Variants in PIEZO2 observed in about 807,000 individuals in gnomAD.
The protein encoded by PIEZO2 is piezo-type mechanosensitive ion channel component 2.
PIEZO2 carries 172 observed loss-of-function variants against 337.3 expected under a neutral mutation model. That is an observed-to-expected ratio of 0.51 (90% CI 0.45 to 0.58). PIEZO2 has a LOEUF of 0.58. PIEZO2 is among the 20% of genes least tolerant of loss of function. The probability of loss-of-function intolerance (pLI) is 0.00; values close to 1 mark genes in which losing one functional copy is unlikely to be tolerated. For synonymous variants in PIEZO2, 1,251 were observed against 1,228.5 expected (o/e 1.02, Z -0.38); for missense variants, 3,028 against 3,391.3 (o/e 0.89, Z 2.66).
chr18:10,970,486 A>C (rs965509340), intron 3 of PIEZO2, among the ~76,000 whole-genome samples: 2 of 152,148 alleles, frequency 1.3e-5, no homozygotes, highest in African/African-American at 4.8e-5. Context: ...TTCACAACTT[A>C]ACTCTTCTGT....
chr18:10,773,561 G>A lies in PIEZO2; in HGVS notation c.2636C>T (p.Pro879Leu), dbSNP rs748442453. 10 of 1,537,218 alleles carry A rather than the reference G, an allele frequency of 6.5e-6. No homozygotes were observed. The highest frequency in any genetic ancestry group is 1.4e-5 in the African/African-American group (1 of 72,998). The change falls in exon 20 of 56, where the codon CCG becomes CTG. Residue 879 changes from proline to leucine, a missense_variant. Around this residue, in one of 5 missense-constraint regions of PIEZO2, gnomAD observed 1,925 missense variants for 2,051.9 expected, o/e 0.94. Coordinates refer to ENST00000674853, the MANE Select transcript of PIEZO2 (RefSeq NM_001378183.1). The surrounding 1 kb of genome is among the most constrained non-coding windows in gnomAD (Gnocchi z 5.3). ...AGGCTCAGCCAACTTCCTCACCTCC[G>A]GCTTCTCCAGGCTGGCAGTCAGATG... ...MMHLTASLEK[P>L]EVRKLAEPGE...
rs1308572513 is a variant in PIEZO2, at chr18:10,815,327, C to T, written c.918-8053G>A. 3.3e-5 allele frequency among the ~76,000 whole-genome samples: 5 copies of T among 152,246 alleles called. No homozygotes were observed. Among genetic ancestry groups the T allele is most frequent in the South Asian group, 4.2e-4 (2 of 4,818 alleles). ...AAGAATGGTGATCCAGACATGGATT[C>T]GAGCCCTGCCTGAATGATTACCTAC... On this transcript the variant is annotated intron_variant, in intron 7 of 55. Transcript: ENST00000674853. This position sits in a 1 kb window ranked among gnomAD's most constrained non-coding sequence, Gnocchi z 4.1.
Position 11,038,413 on chromosome 18 carries a change from C to G in PIEZO2, c.160+27714G>C, listed in dbSNP as rs1483126633. On this transcript the variant is annotated intron_variant, in intron 2 of 55. Coordinates refer to ENST00000674853, the MANE Select transcript of PIEZO2 (RefSeq NM_001378183.1). This position sits in a 1 kb window ranked among gnomAD's most constrained non-coding sequence, Gnocchi z 4.1. ...AATTAAAAGGTAACCATTCCCATGC[C>G]AAGTGTAAGCCGGAGGCCCTTATTT... Among the ~76,000 whole-genome samples the G allele has an allele frequency of 6.6e-6, 1 of 152,264 alleles. No homozygotes were observed. The highest frequency in any genetic ancestry group is 1.9e-4 in the East Asian group (1 of 5,186).
chr18:10,941,602 G>A (rs1000186058), intron 3 of PIEZO2, among the ~76,000 whole-genome samples: 2 of 152,146 alleles, frequency 1.3e-5, no homozygotes, highest in Non-Finnish European at 2.9e-5. Flanking sequence ...AAGCCTCTAA[G>A]TATTTCTCTA....
intron 1 of PIEZO2, among the ~76,000 whole-genome samples, chr18:11,071,361 T>C (rs1382521878): frequency 1.3e-5 from 2 of 152,222 alleles, no homozygotes; most frequent in Admixed American, 6.5e-5. Context: ...TAGAACATTG[T>C]AGAGACATTT....
At position 10,705,738 on chromosome 18, in the gene PIEZO2, G is replaced by A. The variant is rs1250272856; in HGVS notation, c.5597C>T (p.Thr1866Met). The change falls in exon 41 of 56, where the codon ACG (threonine) becomes ATG (methionine). Residue 1866 changes from threonine to methionine, a missense_variant. This residue lies in a region of PIEZO2 where 1,925 missense variants were observed against 2,051.9 expected (regional missense o/e 0.94). Coordinates refer to ENST00000674853, the MANE Select transcript of PIEZO2 (RefSeq NM_001378183.1). ...DSGSLASSEP[T>M]QCTMLYSRQG... is the part of the protein sequence containing the mutation. Reference sequence around the variant, plus strand: ...GCGTGAGTACAGCATGGTACACTGCGTGGGCTCGCTGTTGGGAGAAAGCGT... The same window carrying A: ...GCGTGAGTACAGCATGGTACACTGCATGGGCTCGCTGTTGGGAGAAAGCGT... 6 of 1,524,952 alleles carry A rather than the reference G, an allele frequency of 3.9e-6. No individual in the cohort carries two copies. Among genetic ancestry groups the A allele is most frequent in the South Asian group, 1.2e-5 (1 of 83,276 alleles). 94.5% of individuals were successfully genotyped at this position (1,524,952 alleles called of 1,614,324 possible).
At chr18:10,736,821 A>G (rs920993793) in intron 33 of PIEZO2, 111 bp from the exon 34 acceptor site, 103 of 1,202,528 alleles carry the variant, frequency 8.6e-5, no homozygotes, top group Non-Finnish European at 1.1e-4. Context: ...GAGAACCACA[A>G]CGAAAGATGT....
chr18:10,949,532 AGT>A (rs1234932839), intron 3 of PIEZO2, among the ~76,000 whole-genome samples: 5 of 152,248 alleles, frequency 3.3e-5, no homozygotes, highest in Admixed American at 2.0e-4. Flanking sequence ...TCAGGGTAAA[AGT>A]CAGCCATTCT....
chr18:10,918,789 C>G (rs1339694223), intron 3 of PIEZO2, among the ~76,000 whole-genome samples: 1 of 151,874 alleles, frequency 6.6e-6, no homozygotes, highest in East Asian at 1.9e-4. Context: ...TAAATATAGC[C>G]ATGTAATCAC....
At chr18:11,095,080 AGAC>A (rs2039225076) in intron 1 of PIEZO2, among the ~76,000 whole-genome samples, 1 of 152,238 alleles carries the variant, frequency 6.6e-6, no homozygotes, top group African/African-American at 2.4e-5. Flanking sequence ...CCTGCCAGGG[AGAC>A]ACTGATTGAG....
At chr18:10,674,998 T>C (rs933913377) in intron 54 of PIEZO2, among the ~76,000 whole-genome samples, 3 of 152,166 alleles carry the variant, frequency 2.0e-5, no homozygotes, top group Non-Finnish European at 4.4e-5. Context: ...AAGTTCCATA[T>C]CTATGAAAAA....
At position 10,704,446 on chromosome 18, in the gene PIEZO2, GACA is replaced by G; in HGVS notation, c.6203_6205del (p.Leu2068del). The G allele has an allele frequency of 6.5e-7, 1 of 1,537,232 alleles. No homozygotes were observed. Among genetic ancestry groups the G allele is most frequent in the Non-Finnish European group, 8.7e-7 (1 of 1,146,914 alleles). On this transcript the variant is annotated inframe_deletion, in exon 42 of 56. Transcript: ENST00000674853. ...GAACCGGCGGCTGGGCCTGGGGACG[GACA>G]ACATGGCCCAGAGGAAGATGAGGAT...
At chr18:10,690,185 T>C (rs2034746939) in intron 48 of PIEZO2, among the ~76,000 whole-genome samples, 1 of 151,974 alleles carries the variant, frequency 6.6e-6, no homozygotes, top group Admixed American at 6.6e-5. Context: ...GTGCACCTGG[T>C]AGGTTAAAAA....
chr18:11,088,611 G>A (rs369576992), intron 1 of PIEZO2, among the ~76,000 whole-genome samples: 54 of 152,280 alleles, frequency 3.5e-4, no homozygotes, highest in African/African-American at 1.3e-3. Context: ...AACACAGAAG[G>A]TTCCCTTAAA....
chr18:10,841,116 A>C (rs546656880), intron 7 of PIEZO2, among the ~76,000 whole-genome samples: 1 of 152,322 alleles, frequency 6.6e-6, no homozygotes, highest in Admixed American at 6.5e-5. Context: ...GGTGAGTGAC[A>C]GGAATTAGAT....
At chr18:10,845,090 T>C (rs2081964368) in intron 7 of PIEZO2, among the ~76,000 whole-genome samples, 1 of 152,150 alleles carries the variant, frequency 6.6e-6, no homozygotes. Flanking sequence ...AATACCTCTT[T>C]ATAGTTCTTA....
intron 20 of PIEZO2, among the ~76,000 whole-genome samples, chr18:10,772,936 C>T (rs2038654423): frequency 6.6e-6 from 1 of 152,226 alleles, no homozygotes; most frequent in African/African-American, 2.4e-5. Flanking sequence ...CAATTGCTGA[C>T]TTTCTCCTCC....
chr18:11,063,631 A>G (rs1415573946), intron 2 of PIEZO2, among the ~76,000 whole-genome samples: 1 of 152,222 alleles, frequency 6.6e-6, no homozygotes, highest in Non-Finnish European at 1.5e-5. Context: ...TCCCACTTCC[A>G]GTTCAGGTGG....
In PIEZO2 at chr18:10,722,055, G is replaced by A. The variant is rs556331925; in HGVS notation, c.5030-3796C>T. 2.6e-5 allele frequency among the ~76,000 whole-genome samples: 4 copies of A among 151,630 alleles called. No individual in the cohort carries two copies. In the East Asian group the frequency reaches 7.8e-4, roughly 30 times the overall value. On this transcript the variant is annotated intron_variant, in intron 36 of 55. Transcript: ENST00000674853. ...TGTAATCCGAGCTACTCAGGAGGCT[G>A]AGGCAGAATTGCTTGAACTCGGGAG...
Sources: allele counts gnomAD v4.1 joint callset (sites outside exome capture counted in the v4.1 genomes callset), GRCh38; gene constraint gnomAD v4.1.1; regional missense constraint gnomAD v4.1.1; non-coding constraint Gnocchi (gnomAD v3.1); transcripts MANE v1.5; gene names NCBI Gene and HGNC (gene_info 2026-07-23, HGNC 2026-07-21).